Variants in ZNF536 observed in about 807,000 individuals in gnomAD.
The protein encoded by ZNF536 is zinc finger protein 536.
In ZNF536, 13 loss-of-function variants were observed where a neutral mutation model predicts 84.5. That is an observed-to-expected ratio of 0.15 (90% confidence interval 0.10 to 0.24). The LOEUF is 0.24. Ranked by LOEUF, ZNF536 falls within the 10% of genes least tolerant of loss-of-function variation. ZNF536 has a pLI of 1.00. For synonymous variants in ZNF536, 811 were observed against 742.5 expected (o/e 1.09, Z -1.50); for missense variants, 1,536 against 1,747.5 (o/e 0.88, Z 2.16).
chr19:30,527,219 CTTTTTTTTTTTTTTTTT>C (rs56404227), intron 2 of ZNF536, among the ~76,000 whole-genome samples: 35 of 106,174 alleles, frequency 3.3e-4, no homozygotes, highest in African/African-American at 9.7e-4. Flanking sequence ...ACCCAGCCTC[CTTTTTTTTTTTTTTTTT>C]TTTTTTTTTT....
intron 1 of ZNF536, among the ~76,000 whole-genome samples, chr19:30,421,518 A>G (rs1214321217): frequency 2.0e-5 from 3 of 152,072 alleles, no homozygotes. Flanking sequence ...GCATGCCACC[A>G]CGCCTGGTAA....
At chr19:30,635,447 T>C (rs1242449586) in intron 1 of ZNF536, among the ~76,000 whole-genome samples, 1 of 152,198 alleles carries the variant, frequency 6.6e-6, no homozygotes, top group East Asian at 1.9e-4. Context: ...GTACAACTGC[T>C]CTCCAAGATG....
At chr19:30,543,658 T>G (rs1277707411) in intron 3 of ZNF536, among the ~76,000 whole-genome samples, 1 of 152,238 alleles carries the variant, frequency 6.6e-6, no homozygotes, top group African/African-American at 2.4e-5. Flanking sequence ...ACTCAGCATC[T>G]GCCTGTGCCG....
rs1159508375 is a variant in ZNF536, at chr19:30,245,777, C to T, written c.-190+17104C>T. Among the ~76,000 whole-genome samples, 4 of 152,232 alleles carry T rather than the reference C, an allele frequency of 2.6e-5. No individual in the cohort carries two copies. In the South Asian group the frequency reaches 6.2e-4, roughly 24 times the overall value. ...ACAGGCTTAATCAAGGGTGTTTATT[C>T]TGGCTTGGGTTTTGGCCTCGGGGGC... On this transcript the variant is annotated intron_variant, in intron 1 of 5. Transcript: ENST00000585628.
chr19:30,634,446 A>C (rs1600101102), intron 1 of ZNF536, among the ~76,000 whole-genome samples: 3 of 151,670 alleles, frequency 2.0e-5, no homozygotes, highest in African/African-American at 4.8e-5. Context: ...AAAAATGATT[A>C]CCCTTGAGAA....
chr19:30,241,878 G>T (rs2023965375), intron 1 of ZNF536, among the ~76,000 whole-genome samples: 1 of 152,212 alleles, frequency 6.6e-6, no homozygotes, highest in East Asian at 1.9e-4. Context: ...GTAGTCAGTG[G>T]TGTCCTCTGG....
chr19:30,700,843 T>C (rs2051912809), intron 1 of ZNF536, among the ~76,000 whole-genome samples: 3 of 152,226 alleles, frequency 2.0e-5, no homozygotes, highest in Non-Finnish European at 4.4e-5. Flanking sequence ...GCTGCAGGCA[T>C]TGCCTAAATG....
chr19:30,349,381 G>A (rs1363835272), intron 2 of ZNF536, among the ~76,000 whole-genome samples: 1 of 152,176 alleles, frequency 6.6e-6, no homozygotes, highest in Admixed American at 6.5e-5. Context: ...AAGGCCGAAT[G>A]AGTGGTCAGG....
chr19:30,298,997 T>A (rs2046094447), intron 2 of ZNF536, among the ~76,000 whole-genome samples: 1 of 143,026 alleles, frequency 7.0e-6, no homozygotes, highest in South Asian at 2.2e-4. Flanking sequence ...CAGGTCACAT[T>A]CCCTGCCAAA....
chr19:30,682,258 C>G (rs1422949001), intron 1 of ZNF536, among the ~76,000 whole-genome samples: 1 of 152,116 alleles, frequency 6.6e-6, no homozygotes, highest in Non-Finnish European at 1.5e-5. Flanking sequence ...TCCTCAGTAA[C>G]CCCCAAGATG....
At chr19:30,301,807 A>G (rs2046194734) in intron 2 of ZNF536, among the ~76,000 whole-genome samples, 1 of 151,604 alleles carries the variant, frequency 6.6e-6, no homozygotes, top group Non-Finnish European at 1.5e-5. Flanking sequence ...GTATTGCTGG[A>G]GAGACTTAAA....
intron 1 of ZNF536, among the ~76,000 whole-genome samples, chr19:30,628,076 G>A (rs374810100): frequency 7.9e-5 from 12 of 152,202 alleles, no homozygotes; most frequent in South Asian, 2.1e-4. Context: ...GCCTCCTCCC[G>A]GGTGGAAGGC....
At chr19:30,508,820 CTTTTTTTTTTTT>C (rs914349353) in intron 2 of ZNF536, among the ~76,000 whole-genome samples, 9 of 68,792 alleles carry the variant, frequency 1.3e-4, no homozygotes, top group East Asian at 4.0e-4. Flanking sequence ...TTCTTTCTTT[CTTTTTTTTTTTT>C]TTTTTTTTTT....
intron 2 of ZNF536, among the ~76,000 whole-genome samples, chr19:30,338,207 G>A (rs1439992889): frequency 6.6e-6 from 1 of 151,486 alleles, no homozygotes; most frequent in Admixed American, 6.6e-5. Flanking sequence ...GATGTTGATG[G>A]TGGTGGTGAT....
At chr19:30,270,749 G>C (rs1299813156) in intron 1 of ZNF536, among the ~76,000 whole-genome samples, 1 of 132,580 alleles carries the variant, frequency 7.5e-6, no homozygotes, top group African/African-American at 3.2e-5. Context: ...GAAAAATGCA[G>C]GTTTTTTTTT....
chr19:30,496,293 C>G (rs570942244), intron 2 of ZNF536, among the ~76,000 whole-genome samples: 38 of 152,316 alleles, frequency 2.5e-4, no homozygotes, highest in Non-Finnish European at 4.1e-4. Flanking sequence ...TTCCACCCAT[C>G]TCTTAACACT....
intron 1 of ZNF536, among the ~76,000 whole-genome samples, chr19:30,622,804 C>T (rs1444739495): frequency 6.6e-6 from 1 of 152,100 alleles, no homozygotes; most frequent in African/African-American, 2.4e-5. Context: ...CCCTGACAGA[C>T]TCACCACCTG....
At chr19:30,462,360 A>C (rs1204608682) in intron 2 of ZNF536, among the ~76,000 whole-genome samples, 5 of 151,398 alleles carry the variant, frequency 3.3e-5, no homozygotes, top group Non-Finnish European at 7.4e-5. Context: ...GGATATGGAT[A>C]TATTGGTGGG....
intron 2 of ZNF536, among the ~76,000 whole-genome samples, chr19:30,293,630 G>T (rs985189813): frequency 1.3e-5 from 2 of 152,208 alleles, no homozygotes; most frequent in Non-Finnish European, 2.9e-5. Flanking sequence ...TTTAGGCCTG[G>T]CAGAGCTGGA....
Sources: allele counts gnomAD v4.1 joint callset (sites outside exome capture counted in the v4.1 genomes callset), GRCh38; gene constraint gnomAD v4.1.1; transcripts MANE v1.5; gene names NCBI Gene and HGNC (gene_info 2026-07-23, HGNC 2026-07-21).